Variants in SNTB2 observed in about 807,000 individuals in gnomAD.
SNTB2 encodes the protein syntrophin beta 2.
A neutral mutation model predicts 46.2 loss-of-function variants in SNTB2; 34 were observed. The ratio of observed to expected loss-of-function variants is 0.74; its 90% CI spans 0.56 to 0.98. The LOEUF (loss-of-function observed/expected upper bound fraction) is 0.98, where lower values mean the gene tolerates loss of function less well. Ranked by LOEUF, SNTB2 falls within the 50% of genes least tolerant of loss-of-function variation. The probability of loss-of-function intolerance (pLI) is 0.00; values close to 1 mark genes in which losing one functional copy is unlikely to be tolerated. For synonymous variants in SNTB2, 290 were observed against 312.6 expected (o/e 0.93, Z 0.76); for missense variants, 603 against 731.4 (o/e 0.82, Z 2.02).
At chr16:69,283,116 G>T (rs989874724) in intron 4 of SNTB2, among the ~76,000 whole-genome samples, 6 of 152,030 alleles carry the variant, frequency 3.9e-5, no homozygotes, top group Non-Finnish European at 7.4e-5. Context: ...GATTTTTTTT[G>T]TTGTTTTTTG....
chr16:69,187,290 G>T lies in SNTB2; in HGVS notation c.124G>T (p.Glu42Ter). The part of the protein sequence containing the change: ...LRERWVRVVA[E>*]LSGESLSLTG... ...GGAGCGCTGGGTCCGAGTGGTGGCCGAGCTGAGCGGGGAGAGCCTGAGCCT... is the reference window on the plus strand; with the variant it reads ...GGAGCGCTGGGTCCGAGTGGTGGCCTAGCTGAGCGGGGAGAGCCTGAGCCT... Residue 42 changes from glutamate to a stop codon, truncating the protein, a stop_gained, in exon 1 of 7, where the codon GAG becomes TAG. Transcript: ENST00000336278. LOFTEE classifies it high-confidence loss of function. The T allele has an allele frequency of 1.3e-6, 2 of 1,489,152 alleles. No homozygotes were observed. The highest frequency in any genetic ancestry group is 2.8e-5 in the East Asian group (1 of 35,566). 92.2% of individuals were successfully genotyped at this position (1,489,152 alleles called of 1,614,324 possible).
At chr16:69,225,569 T>C (rs1014540755) in intron 1 of SNTB2, among the ~76,000 whole-genome samples, 6 of 152,254 alleles carry the variant, frequency 3.9e-5, no homozygotes, top group African/African-American at 1.2e-4. Context: ...TGTGTAACAT[T>C]GTATTTACAC....
intron 2 of SNTB2, among the ~76,000 whole-genome samples, chr16:69,255,453 G>A (rs1008774010): frequency 6.6e-6 from 1 of 151,834 alleles, no homozygotes; most frequent in Non-Finnish European, 1.5e-5. Context: ...ACAACTACTC[G>A]AGAGGCTGAG....
chr16:69,261,765 A>G (rs1964836719), intron 3 of SNTB2, among the ~76,000 whole-genome samples: 1 of 152,212 alleles, frequency 6.6e-6, no homozygotes, highest in African/African-American at 2.4e-5. Context: ...GCACGTTCAC[A>G]TGGTTGAAAA....
intron 5 of SNTB2, among the ~76,000 whole-genome samples, chr16:69,295,585 G>A (rs894908263): frequency 6.6e-6 from 1 of 151,980 alleles, no homozygotes; most frequent in African/African-American, 2.4e-5. Flanking sequence ...CTATAAATTG[G>A]AGTGCATAGT....
rs60011703 is a variant in SNTB2 at position 69,199,595 on chromosome 16, C to CAAAAAAAAAAAAAAAAAAAAAAAAAAAAA, written c.580+11865_580+11866insAAAAAAAAAAAAAAAAAAAAAAAAAAAAA. 8.9e-4 allele frequency among the ~76,000 whole-genome samples: 68 copies of CAAAAAAAAAAAAAAAAAAAAAAAAAAAAA among 76,764 alleles called. 1 individual carries two copies. The highest frequency in any genetic ancestry group is 1.1e-3 in the Non-Finnish European group (43 of 38,182). 50.4% of individuals were successfully genotyped at this position (76,764 alleles called of 152,430 possible). A position where few individuals can be genotyped will look rare whatever the true frequency, so the allele number is the denominator to read the frequency against. ...TGGACAACAGAGTGAAACACTGCCT[C>CAAAAAAAAAAAAAAAAAAAAAAAAAAAAA]AAAAAAAAAAAAAAAAGGCGATCTT... On this transcript the variant is annotated intron_variant, in intron 1 of 6. Coordinates refer to ENST00000336278, the MANE Select transcript of SNTB2 (RefSeq NM_006750.4).
chr16:69,189,480 C>T (rs1026813774), intron 1 of SNTB2, among the ~76,000 whole-genome samples: 2 of 152,148 alleles, frequency 1.3e-5, no homozygotes, highest in Non-Finnish European at 2.9e-5. Context: ...TTTGGCCAGG[C>T]GTGGTGGCTC....
At chr16:69,255,688 C>G (rs542069293) in intron 2 of SNTB2, among the ~76,000 whole-genome samples, 1 of 151,702 alleles carries the variant, frequency 6.6e-6, no homozygotes, top group East Asian at 1.9e-4. Context: ...TCAGACCAGC[C>G]TGACCAACAT....
chr16:69,228,863 G>C (rs1964481799), intron 1 of SNTB2, among the ~76,000 whole-genome samples: 1 of 152,132 alleles, frequency 6.6e-6, no homozygotes, highest in Non-Finnish European at 1.5e-5. Context: ...AGAAAACTGA[G>C]GCTCAGAGGT....
chr16:69,289,039 G>A (rs886766168), intron 5 of SNTB2, among the ~76,000 whole-genome samples: 1 of 152,072 alleles, frequency 6.6e-6, no homozygotes, highest in Non-Finnish European at 1.5e-5. Context: ...GGAGGCCGAG[G>A]CGCGCGGATC....
chr16:69,288,250 A>G (rs1202274258), intron 5 of SNTB2, among the ~76,000 whole-genome samples: 1 of 152,128 alleles, frequency 6.6e-6, no homozygotes, highest in Non-Finnish European at 1.5e-5. Flanking sequence ...TTTTTAGTTC[A>G]TGTTGTTTCT....
rs1567414678 is a variant in SNTB2, at chr16:69,284,459, T to TGA, written c.1345+215_1345+216insGA. Among the ~76,000 whole-genome samples the TGA allele has an allele frequency of 8.7e-5, 4 of 45,908 alleles. 1 individual carries two copies. The highest frequency in any genetic ancestry group is 1.7e-4 in the African/African-American group (2 of 11,782). 30.1% of individuals were successfully genotyped at this position (45,908 alleles called of 152,430 possible). ...CAACATGGTGAAACCCCGTCTTTAC[T>TGA]AAAAAAAAAAAAAAAAAAAAAAAAA... On this transcript the variant is annotated intron_variant, in intron 5 of 6. Coordinates refer to ENST00000336278, the MANE Select transcript of SNTB2 (RefSeq NM_006750.4).
intron 4 of SNTB2, among the ~76,000 whole-genome samples, chr16:69,280,250 CCT>C (rs1235811584): frequency 1.3e-5 from 2 of 152,220 alleles, no homozygotes; most frequent in Non-Finnish European, 1.5e-5. Flanking sequence ...AAAAGTCTCC[CCT>C]GTCTACCTCT....
At chr16:69,220,253 C>A (rs998239769) in intron 1 of SNTB2, among the ~76,000 whole-genome samples, 3 of 149,036 alleles carry the variant, frequency 2.0e-5, no homozygotes, top group Non-Finnish European at 4.4e-5. Flanking sequence ...GCTCCATCTC[C>A]CAGATTCACG....
intron 1 of SNTB2, chr16:69,241,933 A>C (rs1038930901): frequency 3.4e-5 from 5 of 148,712 alleles, no homozygotes; most frequent in Non-Finnish European, 6.0e-5. Flanking sequence ...TGTCTCAAAA[A>C]AAAAAAAAAA....
At chr16:69,244,078 T>G (rs76784942) in intron 1 of SNTB2, among the ~76,000 whole-genome samples, 3,501 of 152,286 alleles carry the variant, frequency 0.023, 138 homozygotes, top group African/African-American at 0.08. Flanking sequence ...TTTATTTGCT[T>G]AGTGTTACTC....
rs1404924831 is a variant in SNTB2 at position 69,307,232 on chromosome 16, A to G, written c.*6308A>G. 1.3e-5 allele frequency: 2 copies of G among 152,254 alleles called. No individual in the cohort carries two copies. The highest frequency in any genetic ancestry group is 2.9e-5 in the Non-Finnish European group (2 of 68,050). The allele number at this position is 152,254 out of a possible 1,614,324, so 9.4% of individuals were successfully genotyped here. ...CAGCAGTTAAGTAATTCATCACTTCATATTTTTACCAAAGTATATTTACAA... is the reference window on the plus strand; with the variant it reads ...CAGCAGTTAAGTAATTCATCACTTCGTATTTTTACCAAAGTATATTTACAA... On this transcript the variant is annotated 3_prime_UTR_variant, in exon 7 of 7. Transcript: ENST00000336278.
chr16:69,250,979 C>T (rs1328709347), intron 2 of SNTB2, among the ~76,000 whole-genome samples: 2 of 150,034 alleles, frequency 1.3e-5, no homozygotes, highest in Admixed American at 6.7e-5. Context: ...ATTTGTTTAT[C>T]TGTTTTTTTT....
chr16:69,284,459 T>TAAAAA lies in SNTB2; in HGVS notation c.1345+244_1345+248dup, dbSNP rs3087058. 2.0e-3 allele frequency among the ~76,000 whole-genome samples: 93 copies of TAAAAA among 45,906 alleles called. 8 individuals carry two copies. The highest frequency in any genetic ancestry group is 6.7e-3 in the African/African-American group (79 of 11,782). 30.1% of individuals were successfully genotyped at this position (45,906 alleles called of 152,430 possible). A position where few individuals can be genotyped will look rare whatever the true frequency, so the allele number is the denominator to read the frequency against. ...CAACATGGTGAAACCCCGTCTTTAC[T>TAAAAA]AAAAAAAAAAAAAAAAAAAAAAAAA... is the stretch of plus-strand genomic sequence containing the variant. On this transcript the variant is annotated intron_variant, in intron 5 of 6. Coordinates refer to ENST00000336278, the MANE Select transcript of SNTB2 (RefSeq NM_006750.4).
Sources: allele counts gnomAD v4.1 joint callset (sites outside exome capture counted in the v4.1 genomes callset), GRCh38; gene constraint gnomAD v4.1.1; transcripts MANE v1.5; gene names NCBI Gene and HGNC (gene_info 2026-07-23, HGNC 2026-07-21).